Variants in ALDH16A1 observed in about 807,000 individuals in gnomAD.
ALDH16A1 encodes the protein aldehyde dehydrogenase family 16 member A1.
A neutral mutation model predicts 96.1 loss-of-function variants in ALDH16A1; 88 were observed. The observed-to-expected ratio is 0.92, with a 90% CI of 0.77 to 1.09. The LOEUF (loss-of-function observed/expected upper bound fraction) is 1.09, where lower values mean the gene tolerates loss of function less well. Ranked by LOEUF, ALDH16A1 falls within the 50% of genes least tolerant of loss-of-function variation. ALDH16A1 has a pLI of 0.00. For missense variants in ALDH16A1, 1,250 were observed against 1,112.6 expected (o/e 1.12, Z -1.76); for synonymous variants, 522 against 496.4 (o/e 1.05, Z -0.69).
rs1458830442 is a variant in ALDH16A1 at position 49,468,238 on chromosome 19, A to G, written c.1939-143A>G. 1 of 754,652 alleles carries G rather than the reference A, an allele frequency of 1.3e-6. No homozygotes were observed. The highest frequency in any genetic ancestry group is 2.1e-6 in the Non-Finnish European group (1 of 475,926). 46.7% of individuals were successfully genotyped at this position (754,652 alleles called of 1,614,324 possible). A position where few individuals can be genotyped will look rare whatever the true frequency, so the allele number is the denominator to read the frequency against. On this transcript the variant is annotated intron_variant, in intron 14 of 16. Coordinates refer to ENST00000293350, the MANE Select transcript of ALDH16A1 (RefSeq NM_153329.4). The surrounding 1 kb of genome is among the most constrained non-coding windows in gnomAD (Gnocchi z 4.4). ...CCCCGTGGAATGATTCACTTTGACC[A>G]GCGTCTGCGAAATGGCAGGGGCTTC...
chr19:49,462,158 G>C (rs1393748815), intron 7 of ALDH16A1, 122 bp downstream of exon 7: 1 of 1,353,000 alleles, frequency 7.4e-7, no homozygotes, highest in African/African-American at 1.5e-5. Flanking sequence ...TTGAGACGGA[G>C]TTTCACTCTT....
In ALDH16A1 at chr19:49,463,872, G is replaced by T; in HGVS notation, c.1117G>T (p.Val373Leu). 2 of 1,613,388 alleles carry T rather than the reference G, an allele frequency of 1.2e-6. No homozygotes were observed. Among genetic ancestry groups the T allele is most frequent in the Non-Finnish European group, 1.7e-6 (2 of 1,179,550 alleles). The change falls in exon 9 of 17, where the codon GTG becomes TTG. Residue 373 changes from valine to leucine, a missense_variant. Physicochemically the swap from Val to Leu is conservative, Grantham distance 32. Coordinates refer to ENST00000293350, the MANE Select transcript of ALDH16A1 (RefSeq NM_153329.4). ...TCCCTAGGTGTTCCAGGCTGGTGAT[G>T]TGCCTTCGGAACGCCCATTCTATCC... Reference protein sequence around the residue: ...QGAQVFQAGDVPSERPFYPPT... With the variant: ...QGAQVFQAGDLPSERPFYPPT...
Position 49,468,623 on chromosome 19 carries a change from G to T in ALDH16A1, c.2124+57G>T, listed in dbSNP as rs1170707585. On this transcript the variant is annotated intron_variant, in intron 15 of 16. Coordinates refer to ENST00000293350, the MANE Select transcript of ALDH16A1 (RefSeq NM_153329.4). The surrounding 1 kb of genome is among the most constrained non-coding windows in gnomAD (Gnocchi z 4.4). ...CCGTAGCCTCAGGGCAGCAGAAAAAGGCGCCCCAAAGTCGGCAGGAGCTTG... is the reference window on the plus strand; with the variant it reads ...CCGTAGCCTCAGGGCAGCAGAAAAATGCGCCCCAAAGTCGGCAGGAGCTTG... 6.4e-7 allele frequency: 1 copy of T among 1,574,514 alleles called. No individual in the cohort carries two copies. Among genetic ancestry groups the T allele is most frequent in the Non-Finnish European group, 8.6e-7 (1 of 1,164,722 alleles).
At chr19:49,466,746 G>C (rs1568656544) in intron 14 of ALDH16A1, among the ~76,000 whole-genome samples, 1 of 151,794 alleles carries the variant, frequency 6.6e-6, no homozygotes, top group Non-Finnish European at 1.5e-5. Flanking sequence ...TATAGTCCCA[G>C]CTACTTAGGA....
Position 49,459,627 on chromosome 19 carries a change from T to C in ALDH16A1, c.321-43T>C, listed in dbSNP as rs1381915193. The stretch of plus-strand genomic sequence containing the variant: ...GGAGCAGCCCAGGACTCTGCAAGGC[T>C]GAGGGCCGTTGGAAAATGAGCACCC... On this transcript the variant is annotated intron_variant, in intron 3 of 16. Coordinates refer to ENST00000293350, the MANE Select transcript of ALDH16A1 (RefSeq NM_153329.4). The surrounding 1 kb of genome is among the most constrained non-coding windows in gnomAD (Gnocchi z 4.1). 2.6e-6 allele frequency: 4 copies of C among 1,568,432 alleles called. No individual in the cohort carries two copies. In the African/African-American group the frequency reaches 4.1e-5, roughly 16 times the overall value.
chr19:49,467,248 T>A (rs1015748590), intron 14 of ALDH16A1, among the ~76,000 whole-genome samples: 4 of 152,120 alleles, frequency 2.6e-5, no homozygotes, highest in African/African-American at 4.8e-5. Flanking sequence ...CTTGAACTCC[T>A]AGCTTCAAGT....
Position 49,464,644 on chromosome 19 carries a change from T to C in ALDH16A1, c.1450T>C (p.Tyr484His). The C allele has an allele frequency of 1.2e-6, 2 of 1,614,000 alleles. No individual in the cohort carries two copies. The highest frequency in any genetic ancestry group is 1.7e-6 in the Non-Finnish European group (2 of 1,179,992). The change falls in exon 12 of 17, where the codon TAT becomes CAT. Residue 484 changes from tyrosine to histidine, a missense_variant. Tyr to His is a moderately conservative substitution (Grantham distance 83). Coordinates refer to ENST00000293350, the MANE Select transcript of ALDH16A1 (RefSeq NM_153329.4). ...GTCCCTCTCACAGGGGCTGTATGAGTATCTGCGGCCCTCAGGGACCCCTGC... is the reference window on the plus strand; with the variant it reads ...GTCCCTCTCACAGGGGCTGTATGAGCATCTGCGGCCCTCAGGGACCCCTGC... The part of the protein sequence containing the change: ...WHGGPDGLYE[Y>H]LRPSGTPARL...
At chr19:49,453,483 C>A in intron 1 of ALDH16A1, 62 bp downstream of exon 1, 1 of 1,433,270 alleles carries the variant, frequency 7.0e-7, no homozygotes, top group Non-Finnish European at 9.4e-7. Context: ...CCCGGTTTTT[C>A]GCGGGGAGTC....
chr19:49,469,132 A>C (rs1182610420), intron 16 of ALDH16A1, 146 bp downstream of exon 16: 2 of 1,224,304 alleles, frequency 1.6e-6, no homozygotes, highest in Admixed American at 2.6e-5. Flanking sequence ...CCCCGCCCTT[A>C]GGACTCAAGT....
intron 12 of ALDH16A1, among the ~76,000 whole-genome samples, chr19:49,465,398 C>T (rs531274819): frequency 3.2e-4 from 49 of 150,796 alleles, no homozygotes; most frequent in Non-Finnish European, 5.0e-4. Flanking sequence ...GTTTAGGGTA[C>T]CCAGAGGCTA....
intron 1 of ALDH16A1, 103 bp from the exon 2 acceptor site, chr19:49,458,383 G>T: frequency 2.4e-6 from 2 of 827,942 alleles, no homozygotes; most frequent in South Asian, 3.1e-5. Flanking sequence ...TTAGCTGATG[G>T]GGCAGAGGGA....
chr19:49,464,249 G>A lies in ALDH16A1; in HGVS notation c.1317G>A (p.Leu439=). Residue 439 remains leucine (L), a synonymous_variant, in exon 10 of 17, where the codon CTG becomes CTA. Coordinates refer to ENST00000293350, the MANE Select transcript of ALDH16A1 (RefSeq NM_153329.4). ...SVWSERLGQA[L]ELGYGLQVGT... ...GGAGCGAGAGGCTGGGGCAGGCGCT[G>A]GAGCTGGGCTATGGGTCAGTCTGCG... The A allele has an allele frequency of 6.2e-7, 1 of 1,602,592 alleles. No homozygotes were observed. The highest frequency in any genetic ancestry group is 8.5e-7 in the Non-Finnish European group (1 of 1,179,356).
intron 4 of ALDH16A1, among the ~76,000 whole-genome samples, chr19:49,460,486 C>T (rs1043529932): frequency 6.6e-6 from 1 of 151,002 alleles, no homozygotes; most frequent in African/African-American, 2.4e-5. Context: ...GCGATCTCGG[C>T]TCACTGGAAC....
In ALDH16A1 at chr19:49,453,238, T is replaced by TC. The variant is rs1568645084; in HGVS notation, c.-94_-93insC. 3 of 1,158,112 alleles carry TC rather than the reference T, an allele frequency of 2.6e-6. No individual in the cohort carries two copies. Among genetic ancestry groups the TC allele is most frequent in the Non-Finnish European group, 3.6e-6 (3 of 835,820 alleles). The allele number at this position is 1,158,112 out of a possible 1,614,324, so 71.7% of individuals were successfully genotyped here. ...CCCATTCCCATTAGCCCCGCCCCTTTGGGCTGGAACCGGAGGTGTCGCTCT... is the reference window on the plus strand; with the variant it reads ...CCCATTCCCATTAGCCCCGCCCCTTTCGGGCTGGAACCGGAGGTGTCGCTCT... On this transcript the variant is annotated 5_prime_UTR_variant, in exon 1 of 17. Coordinates refer to ENST00000293350, the MANE Select transcript of ALDH16A1 (RefSeq NM_153329.4).
Position 49,459,915 on chromosome 19 carries a change from A to G in ALDH16A1, c.499+67A>G. On this transcript the variant is annotated intron_variant, in intron 4 of 16. Transcript: ENST00000293350. The surrounding 1 kb of genome is among the most constrained non-coding windows in gnomAD (Gnocchi z 4.1). ...CAGCAGTGCTAGCTCCAGTCCCCTCATTCTTTTTCTTTTAGACAGAGTTTC... is the reference window on the plus strand; with the variant it reads ...CAGCAGTGCTAGCTCCAGTCCCCTCGTTCTTTTTCTTTTAGACAGAGTTTC... The G allele has an allele frequency of 6.6e-7, 1 of 1,510,908 alleles. No homozygotes were observed. The highest frequency in any genetic ancestry group is 8.9e-7 in the Non-Finnish European group (1 of 1,128,604). 93.6% of individuals were successfully genotyped at this position (1,510,908 alleles called of 1,614,324 possible).
At chr19:49,456,794 A>G (rs943947566) in intron 1 of ALDH16A1, among the ~76,000 whole-genome samples, 8 of 152,150 alleles carry the variant, frequency 5.3e-5, no homozygotes, top group Non-Finnish European at 1.0e-4. Flanking sequence ...TGGAACTTCT[A>G]AGTAACTTTT....
At chr19:49,465,701 G>A (rs2069798691) in intron 12 of ALDH16A1, 37 bp from the exon 13 acceptor site, 1 of 1,585,312 alleles carries the variant, frequency 6.3e-7, no homozygotes, top group African/African-American at 1.3e-5. Flanking sequence ...GCAGATTGAG[G>A]CCCCAGGACT....
At chr19:49,454,031 G>GTTTTTT (rs3033555) in intron 1 of ALDH16A1, among the ~76,000 whole-genome samples, 1,612 of 135,174 alleles carry the variant, frequency 0.012, 43 homozygotes, top group East Asian at 0.028. Context: ...TTTTTTTTTT[G>GTTTTTT]TTTTTTTTTT....
At position 49,464,706 on chromosome 19, in the gene ALDH16A1, CA is replaced by C. The variant is rs1568654841; in HGVS notation, c.1513del (p.Thr505ProfsTer16). 4 of 1,613,636 alleles carry C rather than the reference CA, an allele frequency of 2.5e-6. No individual in the cohort carries two copies. ...GCCTCTCCAAGAACCTGAACTATGACACCTTTGGCCTCGCTGTTCCCTCAAC... is the reference window on the plus strand; with the variant it reads ...GCCTCTCCAAGAACCTGAACTATGACCCTTTGGCCTCGCTGTTCCCTCAAC... Reference protein sequence around the residue: ...SCLSKNLNYDTFGLAVPSTLP... With the variant: ...SCLSKNLNYDXFGLAVPSTLP... On this transcript the variant is annotated frameshift_variant, in exon 12 of 17. Transcript: ENST00000293350. LOFTEE classifies it high-confidence loss of function.
Sources: gnomAD v4.1 joint callset for allele counts (sites outside exome capture counted in the v4.1 genomes callset) on GRCh38, gnomAD v4.1.1 for gene constraint, Gnocchi (gnomAD v3.1) non-coding constraint, MANE v1.5 for transcripts, NCBI Gene and HGNC (gene_info 2026-07-23, HGNC 2026-07-21) for gene names.